Variants in SMO observed in about 807,000 individuals in gnomAD.
The protein encoded by SMO is smoothened, frizzled class receptor.
A neutral mutation model predicts 81.6 loss-of-function variants in SMO; 40 were observed. The ratio of observed to expected loss-of-function variants is 0.49; its 90% CI spans 0.38 to 0.64. The LOEUF (loss-of-function observed/expected upper bound fraction) is 0.64. Among genes scored for constraint, SMO ranks in the 30% least tolerant of loss-of-function variants. The pLI, the probability that SMO is intolerant of heterozygous loss-of-function variation, is 0.00. For synonymous variants in SMO, 434 were observed against 432.1 expected (o/e 1.00, Z -0.05); for missense variants, 916 against 1,061.1 (o/e 0.86, Z 1.90).
rs1793866712 is a variant in SMO, at chr7:129,211,316, G to A, written c.1801+203G>A. On this transcript the variant is annotated intron_variant, in intron 10 of 11. Coordinates refer to ENST00000249373, the MANE Select transcript of SMO (RefSeq NM_005631.5). The surrounding 1 kb of genome is among the most constrained non-coding windows in gnomAD (Gnocchi z 4.6). ...TCTCCCCTCTCTGTTTCTGCCCCTGGGTCTGCTTGCCGGTGCTTGGGTTCC... is the reference window on the plus strand; with the variant it reads ...TCTCCCCTCTCTGTTTCTGCCCCTGAGTCTGCTTGCCGGTGCTTGGGTTCC... The A allele has an allele frequency of 4.1e-6, 3 of 733,392 alleles. No individual in the cohort carries two copies. The Middle Eastern group carries it at 6.8e-4, about 167-fold the overall frequency. The allele number at this position is 733,392 out of a possible 1,614,324, so 45.4% of individuals were successfully genotyped here. A position where few individuals can be genotyped will look rare whatever the true frequency, so the allele number is the denominator to read the frequency against.
Position 129,212,953 on chromosome 7 carries a change from C to T in SMO, c.*502C>T, listed in dbSNP as rs377542417. The T allele has an allele frequency of 6.8e-5, 18 of 263,410 alleles. No individual in the cohort carries two copies. In the Middle Eastern group the frequency reaches 3.3e-3, roughly 49 times the overall value. The allele number at this position is 263,410 out of a possible 1,614,324, so 16.3% of individuals were successfully genotyped here. On this transcript the variant is annotated 3_prime_UTR_variant, in exon 12 of 12. Coordinates refer to ENST00000249373, the MANE Select transcript of SMO (RefSeq NM_005631.5). This position sits in a 1 kb window ranked among gnomAD's most constrained non-coding sequence, Gnocchi z 5.0. ...CTTTGTCTAAGTAGGGCCAGGGCAC[C>T]GTATTCCTCTCCCAGGTGTTTGTGG...
chr7:129,196,763 A>G (rs1584656007), intron 1 of SMO, among the ~76,000 whole-genome samples: 1 of 152,020 alleles, frequency 6.6e-6, no homozygotes, highest in Admixed American at 6.6e-5. Context: ...CACACCTGTA[A>G]TCCCAGCACT....
chr7:129,200,225 G>A (rs533105296), intron 1 of SMO, among the ~76,000 whole-genome samples: 1 of 152,208 alleles, frequency 6.6e-6, no homozygotes, highest in African/African-American at 2.4e-5. Context: ...AGACCATCCT[G>A]GCTAACACGG....
In SMO at chr7:129,212,637, A is replaced by C; in HGVS notation, c.*186A>C. ...CTGTGGGAAAGAGCCTAACATCTCC[A>C]TGGGGAGGCCTCACCCCAGGGACAG... On this transcript the variant is annotated 3_prime_UTR_variant, in exon 12 of 12. Coordinates refer to ENST00000249373, the MANE Select transcript of SMO (RefSeq NM_005631.5). The surrounding 1 kb of genome is among the most constrained non-coding windows in gnomAD (Gnocchi z 5.0). 1.3e-5 allele frequency: 8 copies of C among 617,132 alleles called. No individual in the cohort carries two copies. Among genetic ancestry groups the C allele is most frequent in the Non-Finnish European group, 1.4e-5 (5 of 355,830 alleles). The allele number at this position is 617,132 out of a possible 1,614,324, so 38.2% of individuals were successfully genotyped here.
chr7:129,199,902 C>T (rs902169097), intron 1 of SMO, among the ~76,000 whole-genome samples: 6 of 152,068 alleles, frequency 3.9e-5, no homozygotes, highest in African/African-American at 9.7e-5. Context: ...ATTTGTCTTT[C>T]GCCTGTGTGT....
chr7:129,193,337 T>G (rs1487978845), intron 1 of SMO, among the ~76,000 whole-genome samples: 1 of 152,146 alleles, frequency 6.6e-6, no homozygotes, highest in Non-Finnish European at 1.5e-5. Flanking sequence ...CTTGTTTGCC[T>G]CTCACACATT....
chr7:129,189,276 G>A lies in SMO; in HGVS notation c.125G>A (p.Arg42Gln), dbSNP rs1173919410. The part of the protein sequence containing the change: ...SSGNATGPGP[R>Q]SAGGSARRSA... Reference sequence around the variant, plus strand: ...GGGAACGCGACCGGGCCTGGGCCTCGGAGCGCGGGCGGGAGCGCGAGGAGG... The same window carrying A: ...GGGAACGCGACCGGGCCTGGGCCTCAGAGCGCGGGCGGGAGCGCGAGGAGG... The change falls in exon 1 of 12, where the codon CGG becomes CAG. Residue 42 changes from arginine to glutamine, a missense_variant. Physicochemically the swap from Arg to Gln is conservative, Grantham distance 43 (BLOSUM62 1). Transcript: ENST00000249373. The surrounding 1 kb of genome is among the most constrained non-coding windows in gnomAD (Gnocchi z 4.7). 29 of 1,389,438 alleles carry A rather than the reference G, an allele frequency of 2.1e-5. 1 individual carries two copies. The South Asian group carries it at 2.3e-4, about 11-fold the overall frequency. The allele number at this position is 1,389,438 out of a possible 1,614,324, so 86.1% of individuals were successfully genotyped here. A position where few individuals can be genotyped will look rare whatever the true frequency, so the allele number is the denominator to read the frequency against.
At chr7:129,203,030 T>C (rs571008789) in intron 1 of SMO, among the ~76,000 whole-genome samples, 2 of 152,174 alleles carry the variant, frequency 1.3e-5, no homozygotes, top group Non-Finnish European at 2.9e-5. Context: ...CAACATCCCA[T>C]GTAACCAGTA....
chr7:129,197,031 A>T (rs1337478673), intron 1 of SMO, among the ~76,000 whole-genome samples: 10 of 151,462 alleles, frequency 6.6e-5, no homozygotes, highest in African/African-American at 2.2e-4. Context: ...AAAAAAAAAA[A>T]AAAGAAATAA....
At position 129,206,380 on chromosome 7, in the gene SMO, T is replaced by G. The variant is rs763532241; in HGVS notation, c.1140+11T>G. The G allele has an allele frequency of 1.2e-6, 2 of 1,614,114 alleles. No homozygotes were observed. Among genetic ancestry groups the G allele is most frequent in the African/African-American group, 2.7e-5 (2 of 75,056 alleles). ...CTTGCTGTGGCGCAGGTATAGTGACTGGTAGGAACGGGAGACCTGGATGGG... is the reference window on the plus strand; with the variant it reads ...CTTGCTGTGGCGCAGGTATAGTGACGGGTAGGAACGGGAGACCTGGATGGG... On this transcript the variant is annotated intron_variant, in intron 5 of 11. Transcript: ENST00000249373. The surrounding 1 kb of genome is among the most constrained non-coding windows in gnomAD (Gnocchi z 4.4).
At chr7:129,197,016 CAAA>C (rs11445153) in intron 1 of SMO, among the ~76,000 whole-genome samples, 2 of 113,390 alleles carry the variant, frequency 1.8e-5, no homozygotes. Flanking sequence ...GACACCGTCT[CAAA>C]AAAAAAAAAA....
intron 6 of SMO, among the ~76,000 whole-genome samples, chr7:129,207,045 A>G (rs1281024813): frequency 6.6e-6 from 1 of 152,126 alleles, no homozygotes; most frequent in African/African-American, 2.4e-5. Flanking sequence ...GGGTTTCACC[A>G]TGTTAGCCAG....
At chr7:129,197,917 G>C (rs150029744) in intron 1 of SMO, among the ~76,000 whole-genome samples, 2 of 152,002 alleles carry the variant, frequency 1.3e-5, no homozygotes, top group Admixed American at 1.3e-4. Context: ...AGCCAGGCGC[G>C]GTAACACCCG....
In SMO at chr7:129,211,151, C is replaced by T. The variant is rs2150654981; in HGVS notation, c.1801+38C>T. On this transcript the variant is annotated intron_variant, in intron 10 of 11. Coordinates refer to ENST00000249373, the MANE Select transcript of SMO (RefSeq NM_005631.5). The surrounding 1 kb of genome is among the most constrained non-coding windows in gnomAD (Gnocchi z 4.6). ...CCTCCTCTACCGGAGCCGCCTGGCC[C>T]CGCGCTGCCCATGTGCTAGTCTCTC... The T allele has an allele frequency of 1.9e-6, 3 of 1,574,556 alleles. No individual in the cohort carries two copies. Among genetic ancestry groups the T allele is most frequent in the Non-Finnish European group, 1.7e-6 (2 of 1,160,020 alleles).
In SMO at chr7:129,189,406, C is replaced by T. The variant is rs958097347; in HGVS notation, c.255C>T (p.Tyr85=). 6.5e-7 allele frequency: 1 copy of T among 1,538,082 alleles called. No individual in the cohort carries two copies. Among genetic ancestry groups the T allele is most frequent in the Non-Finnish European group, 8.7e-7 (1 of 1,146,700 alleles). The change falls in exon 1 of 12, where the codon TAC becomes TAT. Residue 85 remains tyrosine, a synonymous_variant. Coordinates refer to ENST00000249373, the MANE Select transcript of SMO (RefSeq NM_005631.5). This position sits in a 1 kb window ranked among gnomAD's most constrained non-coding sequence, Gnocchi z 4.7. ...TGTGCCTGGGCTCGGTGCTGCCCTA[C>T]GGGGCCACCTCCACACTGCTGGCCG... ...YNVCLGSVLP[Y]GATSTLLAGD...
intron 2 of SMO, among the ~76,000 whole-genome samples, chr7:129,204,846 T>TCC: frequency 5.5e-5 from 2 of 36,616 alleles, no homozygotes; most frequent in African/African-American, 1.4e-4. Context: ...TGAAACCCCG[T>TCC]CTAAAATACA....
At chr7:129,193,585 C>T (rs1369875460) in intron 1 of SMO, among the ~76,000 whole-genome samples, 17 of 149,872 alleles carry the variant, frequency 1.1e-4, no homozygotes, top group Non-Finnish European at 2.2e-4. Context: ...GGTGAAACCC[C>T]GTCTCTACTA....
intron 1 of SMO, among the ~76,000 whole-genome samples, chr7:129,200,725 T>G (rs1349169954): frequency 7.2e-6 from 1 of 138,968 alleles, no homozygotes; most frequent in African/African-American, 2.7e-5. Flanking sequence ...AAATTACAGT[T>G]TTTTTTTTGT....
intron 1 of SMO, among the ~76,000 whole-genome samples, chr7:129,195,579 G>T (rs1028089482): frequency 1.3e-5 from 2 of 152,098 alleles, no homozygotes; most frequent in African/African-American, 2.4e-5. Context: ...ATATATGCTA[G>T]ATATGAGTTT....
Sources: gnomAD v4.1 joint callset for allele counts (sites outside exome capture counted in the v4.1 genomes callset) on GRCh38, gnomAD v4.1.1 for gene constraint, Gnocchi (gnomAD v3.1) non-coding constraint, MANE v1.5 for transcripts, NCBI Gene and HGNC (gene_info 2026-07-23, HGNC 2026-07-21) for gene names.